AFF3: variants seen among roughly 807,000 people sequenced by gnomAD.
The protein encoded by AFF3 is AF4/FMR2 family member 3.
Under a neutral mutation model 129.7 loss-of-function variants are expected in AFF3, and 32 were observed. The ratio of observed to expected loss-of-function variants is 0.25; its 90% CI spans 0.19 to 0.33. AFF3 has a LOEUF of 0.33. AFF3 is among the 10% of genes least tolerant of loss of function. The probability of loss-of-function intolerance (pLI) is 1.00; values close to 1 mark genes in which losing one functional copy is unlikely to be tolerated. For synonymous variants in AFF3, 644 were observed against 635.4 expected (o/e 1.01, Z -0.20); for missense variants, 1,373 against 1,592.0 (o/e 0.86, Z 2.34).
intron 7 of AFF3, among the ~76,000 whole-genome samples, chr2:99,856,302 C>A (rs1690521354): frequency 6.6e-6 from 1 of 152,038 alleles, no homozygotes; most frequent in Non-Finnish European, 1.5e-5. Context: ...AATTTTATTA[C>A]ACAATATTCA....
intron 7 of AFF3, among the ~76,000 whole-genome samples, chr2:99,879,135 G>C (rs921800475): frequency 6.6e-6 from 1 of 152,326 alleles, no homozygotes. Flanking sequence ...AAAGCACGCA[G>C]TTCTAAAACT....
At chr2:99,961,452 C>T (rs1677205636) in intron 7 of AFF3, among the ~76,000 whole-genome samples, 2 of 152,230 alleles carry the variant, frequency 1.3e-5, no homozygotes, top group Admixed American at 1.3e-4. Flanking sequence ...TGCCTTGAGA[C>T]ATCTGCGGTT....
intron 4 of AFF3, among the ~76,000 whole-genome samples, chr2:100,080,634 GA>G (rs1688972985): frequency 1.3e-5 from 2 of 152,016 alleles, no homozygotes; most frequent in Non-Finnish European, 2.9e-5. Context: ...TCCAGAAAAA[GA>G]AAAAACACAG....
chr2:99,615,832 G>A (rs1169837133), intron 13 of AFF3, among the ~76,000 whole-genome samples: 1 of 152,248 alleles, frequency 6.6e-6, no homozygotes, highest in Non-Finnish European at 1.5e-5. Context: ...CCTGCTTGCA[G>A]GACACAGCTT....
intron 4 of AFF3, among the ~76,000 whole-genome samples, chr2:100,103,667 C>G (rs1468001153): frequency 2.0e-5 from 3 of 151,990 alleles, no homozygotes; most frequent in African/African-American, 7.3e-5. Flanking sequence ...GAAACGGAAC[C>G]TGGAGTGCCC....
At chr2:99,728,110 G>C (rs752921979) in intron 10 of AFF3, among the ~76,000 whole-genome samples, 1 of 152,216 alleles carries the variant, frequency 6.6e-6, no homozygotes, top group Non-Finnish European at 1.5e-5. Context: ...TTCACTTCTT[G>C]TAGTTTACAG....
intron 7 of AFF3, among the ~76,000 whole-genome samples, chr2:99,902,202 T>A (rs1694391271): frequency 6.6e-6 from 1 of 151,928 alleles, no homozygotes; most frequent in African/African-American, 2.4e-5. Context: ...TAAACTTTAA[T>A]AAATAGTATA....
At chr2:99,583,478 G>T (rs900158587) in intron 16 of AFF3, among the ~76,000 whole-genome samples, 6 of 152,100 alleles carry the variant, frequency 3.9e-5, no homozygotes, top group Non-Finnish European at 7.4e-5. Flanking sequence ...AACCTCCTGG[G>T]CTCAGGCAAT....
chr2:99,665,158 C>T (rs561028360), intron 12 of AFF3, among the ~76,000 whole-genome samples: 1 of 152,326 alleles, frequency 6.6e-6, no homozygotes, highest in Admixed American at 6.5e-5. Context: ...GTAGTGTCGG[C>T]CATGCTGAGG....
rs537354910 is a variant in AFF3 at position 99,704,164 on chromosome 2, A to C, written c.1091+22913T>G. On this transcript the variant is annotated intron_variant, in intron 11 of 24. Transcript: ENST00000672756. ...CACCATTTCTTTCATATGATGAAAG[A>C]AGCTCATGAGATAAAGAATAGTCTA... Among the ~76,000 whole-genome samples the C allele has an allele frequency of 3.9e-5, 6 of 152,302 alleles. No homozygotes were observed. The South Asian group carries it at 1.2e-3, about 32-fold the overall frequency.
In AFF3 at chr2:99,793,280, T is replaced by C. The variant is rs138544902; in HGVS notation, c.922-40979A>G. On this transcript the variant is annotated intron_variant, in intron 8 of 24. Coordinates refer to ENST00000672756, the MANE Select transcript of AFF3 (RefSeq NM_001386135.1). ...TCGCCTTCCATCCTGACTATAAGCT[T>C]CGTGAGGCCTCGCCAGAAGCGAATG... is the stretch of plus-strand genomic sequence containing the variant. Among the ~76,000 whole-genome samples, 5 of 152,372 alleles carry C rather than the reference T, an allele frequency of 3.3e-5. No individual in the cohort carries two copies. The East Asian group carries it at 9.7e-4, about 29-fold the overall frequency.
At chr2:99,573,582 C>T (rs1010828903) in intron 18 of AFF3, among the ~76,000 whole-genome samples, 1 of 152,132 alleles carries the variant, frequency 6.6e-6, no homozygotes, top group Non-Finnish European at 1.5e-5. Flanking sequence ...TTACAATATG[C>T]GAGTATTCCC....
intron 17 of AFF3, among the ~76,000 whole-genome samples, chr2:99,580,153 C>T (rs1019530162): frequency 2.0e-5 from 3 of 152,164 alleles, no homozygotes; most frequent in Non-Finnish European, 4.4e-5. Context: ...AGTTCTTTCT[C>T]GGGACCTCTG....
Position 99,582,889 on chromosome 2 carries a change from CG to C in AFF3, c.2701del (p.Arg901AspfsTer87). ...AGTAAACAAACTGTTGCCATTAGGTCGGCTGGAAGAAGTTAAGTCCTCGCTG... is the reference window on the plus strand; with the variant it reads ...AGTAAACAAACTGTTGCCATTAGGTCGCTGGAAGAAGTTAAGTCCTCGCTG... ...YTSEDLTSSS[R>X]PNGNSLFTSA... is the part of the protein sequence containing the mutation. On this transcript the variant is annotated frameshift_variant, in exon 17 of 25. Transcript: ENST00000672756. LOFTEE classifies it high-confidence loss of function. The C allele has an allele frequency of 6.2e-7, 1 of 1,614,104 alleles. No homozygotes were observed.
intron 8 of AFF3, among the ~76,000 whole-genome samples, chr2:99,801,996 A>C (rs1685978363): frequency 6.6e-6 from 1 of 152,224 alleles, no homozygotes; most frequent in South Asian, 2.1e-4. Flanking sequence ...TAATTACATA[A>C]TTACTGTAAT....
chr2:99,818,331 C>T (rs1488565571), intron 8 of AFF3, among the ~76,000 whole-genome samples: 1 of 152,136 alleles, frequency 6.6e-6, no homozygotes, highest in East Asian at 1.9e-4. Flanking sequence ...TAGGTGGGTG[C>T]TACAAAATCA....
intron 13 of AFF3, among the ~76,000 whole-genome samples, chr2:99,629,921 T>C (rs1180668875): frequency 4.6e-5 from 7 of 152,078 alleles, no homozygotes; most frequent in Non-Finnish European, 1.0e-4. Context: ...TACTATCACA[T>C]TGGGGATTAG....
chr2:99,974,549 CCT>C (rs1397763627), intron 7 of AFF3, among the ~76,000 whole-genome samples: 2 of 152,144 alleles, frequency 1.3e-5, no homozygotes, highest in Non-Finnish European at 2.9e-5. Flanking sequence ...CACAGATAAC[CCT>C]CTCTCCTTTA....
intron 15 of AFF3, among the ~76,000 whole-genome samples, chr2:99,587,871 G>A (rs1678285596): frequency 6.6e-6 from 1 of 151,966 alleles, no homozygotes; most frequent in Non-Finnish European, 1.5e-5. Context: ...TTAGCCAGGT[G>A]TGGTGGTGCA....
Sources: gnomAD v4.1 joint callset for allele counts (sites outside exome capture counted in the v4.1 genomes callset) on GRCh38, gnomAD v4.1.1 for gene constraint, MANE v1.5 for transcripts, NCBI Gene and HGNC (gene_info 2026-07-23, HGNC 2026-07-21) for gene names.